Variants in CEP70 observed in about 807,000 individuals in gnomAD.
The protein encoded by CEP70 is centrosomal protein 70, also known as centrosomal protein of 70 kDa.
Under a neutral mutation model 90.9 loss-of-function variants are expected in CEP70, and 70 were observed. That is an observed-to-expected ratio of 0.77 (90% CI 0.64 to 0.94). The LOEUF (loss-of-function observed/expected upper bound fraction) is 0.94. Ranked by LOEUF, CEP70 falls within the 40% of genes least tolerant of loss-of-function variation. The pLI, the probability that CEP70 is intolerant of heterozygous loss-of-function variation, is 0.00. For missense variants in CEP70, 648 were observed against 669.0 expected (o/e 0.97, Z 0.35); for synonymous variants, 220 against 228.3 (o/e 0.96, Z 0.33).
chr3:138,574,791 C>T lies in CEP70; in HGVS notation c.-5-1859G>A, dbSNP rs553709155. ...TTTGCTGTTCTGCAGCCTCTGCTGG[C>T]GATACCCAGGCAAACAGGGTCTGGA... On this transcript the variant is annotated intron_variant, in intron 2 of 17. Coordinates refer to ENST00000264982, the MANE Select transcript of CEP70 (RefSeq NM_024491.4). Among the ~76,000 whole-genome samples the T allele has an allele frequency of 2.4e-4, 37 of 152,256 alleles. No individual in the cohort carries two copies. In the East Asian group the frequency reaches 3.3e-3, roughly 14 times the overall value.
intron 7 of CEP70, among the ~76,000 whole-genome samples, chr3:138,536,549 C>T (rs947297198): frequency 3.3e-5 from 5 of 151,596 alleles, no homozygotes; most frequent in African/African-American, 4.8e-5. Flanking sequence ...AGAAAGCTGC[C>T]CAGAAATTTA....
chr3:138,544,890 T>C (rs188620158), intron 6 of CEP70, among the ~76,000 whole-genome samples: 1 of 152,180 alleles, frequency 6.6e-6, no homozygotes, highest in African/African-American at 2.4e-5. Context: ...AAACAGTGGT[T>C]AACAGAGGCT....
chr3:138,572,060 G>A (rs1354931991), intron 3 of CEP70, among the ~76,000 whole-genome samples: 1 of 96,786 alleles, frequency 1.0e-5, no homozygotes, highest in African/African-American at 3.7e-5. Flanking sequence ...TTACAGGCGT[G>A]AGCCACCGCC....
intron 6 of CEP70, among the ~76,000 whole-genome samples, chr3:138,548,416 C>T (rs1002546651): frequency 5.3e-5 from 8 of 152,126 alleles, no homozygotes; most frequent in South Asian, 2.1e-4. Context: ...TTTGATTTTA[C>T]GTAAAATGCA....
At chr3:138,554,145 G>A (rs901634120) in intron 6 of CEP70, among the ~76,000 whole-genome samples, 4 of 151,250 alleles carry the variant, frequency 2.6e-5, no homozygotes, top group Non-Finnish European at 5.9e-5. Flanking sequence ...AGATTTCAGT[G>A]AGCCAAGATC....
At chr3:138,531,517 A>G (rs772726789) in intron 8 of CEP70, 2 of 152,164 alleles carry the variant, frequency 1.3e-5, no homozygotes, top group Non-Finnish European at 2.9e-5. Context: ...GTGCTACAAC[A>G]GCCGAGTTGA....
chr3:138,537,151 A>G (rs1003528320), intron 7 of CEP70, 27 bp downstream of exon 7: 3 of 1,458,466 alleles, frequency 2.1e-6, no homozygotes, highest in Non-Finnish European at 2.7e-6. Context: ...GAATCTAGCT[A>G]CATATCAATT....
rs570659184 is a variant in CEP70 at position 138,561,027 on chromosome 3, C to T, written c.465+9291G>A. Reference sequence around the variant, plus strand: ...CACGTTCGAGCAGCAGATCTCAGAGCGTTCGAGCTCTGCTAAAGGTCAAAC... The same window carrying T: ...CACGTTCGAGCAGCAGATCTCAGAGTGTTCGAGCTCTGCTAAAGGTCAAAC... On this transcript the variant is annotated intron_variant, in intron 6 of 17. Coordinates refer to ENST00000264982, the MANE Select transcript of CEP70 (RefSeq NM_024491.4). 5.1e-4 allele frequency among the ~76,000 whole-genome samples: 78 copies of T among 152,176 alleles called. No individual in the cohort carries two copies. In the South Asian group the frequency reaches 6.9e-3, roughly 13 times the overall value.
chr3:138,533,846 G>A lies in CEP70; in HGVS notation c.636-1276C>T, dbSNP rs372456092. The stretch of plus-strand genomic sequence containing the variant: ...GTCGCCCAGGCTGGAGTGCAGTGGC[G>A]TCATCCTGGCTCACTGTAAGCTCCA... On this transcript the variant is annotated intron_variant, in intron 7 of 17. Transcript: ENST00000264982. Among the ~76,000 whole-genome samples the A allele has an allele frequency of 2.8e-3, 433 of 152,016 alleles. 5 individuals carry two copies. Among genetic ancestry groups the A allele is most frequent in the African/African-American group, 0.01 (416 of 41,468 alleles).
chr3:138,500,848 C>G lies in CEP70; in HGVS notation c.1255G>C (p.Glu419Gln), dbSNP rs749229325. The stretch of plus-strand genomic sequence containing the variant: ...TTCAAATTAAGCCAAGGTACCAGTT[C>G]TGCAGATAGTGTTTTCAAGGACTTA... Reference protein sequence around the residue: ...LYKSLKTLSAELVPWLNLKKQ... With the variant: ...LYKSLKTLSAQLVPWLNLKKQ... The change falls in exon 14 of 18, where the codon GAA (glutamate) becomes CAA (glutamine). Residue 419 changes from glutamate (E) to glutamine (Q), a missense_variant. Physicochemically the swap from Glu to Gln is conservative, Grantham distance 29. Coordinates refer to ENST00000264982, the MANE Select transcript of CEP70 (RefSeq NM_024491.4). 1 of 1,596,072 alleles carries G rather than the reference C, an allele frequency of 6.3e-7. No individual in the cohort carries two copies. Among genetic ancestry groups the G allele is most frequent in the Non-Finnish European group, 8.5e-7 (1 of 1,170,152 alleles).
chr3:138,561,953 A>G (rs1437454535), intron 6 of CEP70, among the ~76,000 whole-genome samples: 2 of 150,234 alleles, frequency 1.3e-5, no homozygotes, highest in African/African-American at 2.4e-5. Context: ...AACCTGGGAG[A>G]TGGAGCTTGC....
chr3:138,502,002 T>C (rs923347662), intron 13 of CEP70, among the ~76,000 whole-genome samples: 2 of 152,166 alleles, frequency 1.3e-5, no homozygotes, highest in Non-Finnish European at 2.9e-5. Flanking sequence ...ACTCAATCCA[T>C]ATGTGTATGG....
At chr3:138,499,879 G>A (rs1037730807) in intron 16 of CEP70, 8 of 428,642 alleles carry the variant, frequency 1.9e-5, no homozygotes, top group Admixed American at 1.1e-4. Flanking sequence ...AACAGGGAAG[G>A]TAAATAAGTT....
At chr3:138,559,245 T>C (rs2040226754) in intron 6 of CEP70, among the ~76,000 whole-genome samples, 1 of 151,954 alleles carries the variant, frequency 6.6e-6, no homozygotes, top group African/African-American at 2.4e-5. Context: ...TAGTCAATGA[T>C]AAATACTAAT....
chr3:138,573,063 A>G, intron 2 of CEP70, 131 bp from the exon 3 acceptor site: 1 of 646,098 alleles, frequency 1.5e-6, no homozygotes, highest in Non-Finnish European at 2.7e-6. Flanking sequence ...TTGCAGGGCA[A>G]TTCAGGTCAT....
chr3:138,554,581 C>A (rs1210040944), intron 6 of CEP70, among the ~76,000 whole-genome samples: 2 of 152,142 alleles, frequency 1.3e-5, no homozygotes, highest in Non-Finnish European at 2.9e-5. Flanking sequence ...TTAGAGTTTT[C>A]TAAAAAGCTC....
intron 13 of CEP70, among the ~76,000 whole-genome samples, chr3:138,502,582 A>AT (rs1338966260): frequency 1.3e-5 from 2 of 152,160 alleles, no homozygotes; most frequent in African/African-American, 2.4e-5. Flanking sequence ...TGATACCTTT[A>AT]TTAACCAATG....
chr3:138,524,451 TCAGAGTGAA>T (rs1370531493), intron 11 of CEP70, among the ~76,000 whole-genome samples: 7 of 152,000 alleles, frequency 4.6e-5, no homozygotes, highest in South Asian at 4.1e-4. Flanking sequence ...ACAGAGTGAA[TCAGAGTGAA>T]CAGAGTGAAC....
chr3:138,549,219 G>A (rs2039441395), intron 6 of CEP70, among the ~76,000 whole-genome samples: 1 of 151,196 alleles, frequency 6.6e-6, no homozygotes, highest in Admixed American at 6.6e-5. Context: ...TCGGGGAAGG[G>A]CATGAATCTA....
Sources: allele counts gnomAD v4.1 joint callset (sites outside exome capture counted in the v4.1 genomes callset), GRCh38; gene constraint gnomAD v4.1.1; transcripts MANE v1.5; gene names NCBI Gene and HGNC (gene_info 2026-07-23, HGNC 2026-07-21).